VILL: variants seen among roughly 807,000 people sequenced by gnomAD.
VILL encodes villin-like protein.
VILL carries 102 observed loss-of-function variants against 106.3 expected under a neutral mutation model. That is an observed-to-expected ratio of 0.96 (90% confidence interval 0.82 to 1.13). VILL has a LOEUF of 1.13. Ranked by LOEUF, VILL falls within the 50% of genes most tolerant of loss-of-function variation. The pLI is 0.00. For synonymous variants in VILL, 431 were observed against 440.3 expected (o/e 0.98, Z 0.27); for missense variants, 1,076 against 1,116.6 (o/e 0.96, Z 0.52).
chr3:38,000,794 G>A, intron 11 of VILL: 8 of 442,084 alleles, frequency 1.8e-5, no homozygotes, highest in South Asian at 1.3e-4. Flanking sequence ...AACTGTCAGG[G>A]TCAGTGTGGG....
Position 38,005,900 on chromosome 3 carries a change from G to T in VILL, c.2059G>T (p.Val687Leu), listed in dbSNP as rs368514355. Residue 687 changes from valine (V) to leucine (L), a missense_variant, in exon 17 of 20, where the codon GTG becomes TTG. Val to Leu is a conservative substitution (Grantham distance 32). Coordinates refer to ENST00000383759, the MANE Select transcript of VILL (RefSeq NM_015873.4). ...AGGGAGGAGCCCGGCCACACCCATC[G>T]TGCTGGTCAAGCAGGGCCATGAGCC... The part of the protein sequence containing the change: ...PAGRSPATPI[V>L]LVKQGHEPPT... 1.9e-6 allele frequency: 3 copies of T among 1,614,168 alleles called. No homozygotes were observed. In the East Asian group the frequency reaches 6.7e-5, roughly 36 times the overall value.
At chr3:37,988,062 G>C (rs1285988232), upstream of VILL, 1 of 152,288 alleles carries the variant, frequency 6.6e-6, no homozygotes, top group African/African-American at 2.4e-5. Context: ...GGCTAAGGAG[G>C]GCGGGAAGGG....
Position 37,999,439 on chromosome 3 carries a change from G to A in VILL, c.1182G>A (p.Glu394=), listed in dbSNP as rs1699774450. ...TGGACGACGGCTCTGGGAAGGTGGA[G>A]GTGAGGGGTACTGGGTTAGCTGGGG... ...RMVDDGSGKV[E]VWCIQDLHRQ... is the part of the protein sequence containing the mutation. Residue 394 remains glutamate (E), a splice_region_variant and synonymous_variant, in exon 11 of 20, where the codon GAG becomes GAA. Coordinates refer to ENST00000383759, the MANE Select transcript of VILL (RefSeq NM_015873.4). The A allele has an allele frequency of 6.7e-7, 1 of 1,482,648 alleles. No homozygotes were observed. The highest frequency in any genetic ancestry group is 8.9e-7 in the Non-Finnish European group (1 of 1,119,070). The allele number at this position is 1,482,648 out of a possible 1,614,324, so 91.8% of individuals were successfully genotyped here. A position where few individuals can be genotyped will look rare whatever the true frequency, so the allele number is the denominator to read the frequency against.
At chr3:38,004,464 G>T in intron 16 of VILL, 65 bp downstream of exon 16, 1 of 1,562,714 alleles carries the variant, frequency 6.4e-7, no homozygotes, top group Admixed American at 1.7e-5. Flanking sequence ...GTGTAACTGG[G>T]TGTGTGTGTA....
chr3:38,002,588 C>A lies in VILL; in HGVS notation c.1659+13C>A, dbSNP rs1699839638. On this transcript the variant is annotated intron_variant, in intron 14 of 19. Transcript: ENST00000383759. Reference sequence around the variant, plus strand: ...CTGGTTTGGGAAGGTACCCACAGCACTGACCACTTGATTCATGCCCAGATG... The same window carrying A: ...CTGGTTTGGGAAGGTACCCACAGCAATGACCACTTGATTCATGCCCAGATG... The A allele has an allele frequency of 6.2e-7, 1 of 1,608,484 alleles. No individual in the cohort carries two copies. Among genetic ancestry groups the A allele is most frequent in the African/African-American group, 1.3e-5 (1 of 74,842 alleles).
In VILL at chr3:38,003,201, G is replaced by C; in HGVS notation, c.1693G>C (p.Val565Leu). 6.2e-7 allele frequency: 1 copy of C among 1,614,062 alleles called. No individual in the cohort carries two copies. Among genetic ancestry groups the C allele is most frequent in the Non-Finnish European group, 8.5e-7 (1 of 1,179,984 alleles). The stretch of plus-strand genomic sequence containing the variant: ...TGGTGATCAGCGTGAGATGGCACGG[G>C]TGGTGGTCACTGTCATTTCCAGGAA... Reference protein sequence around the residue: ...CNGDQREMARVVVTVISRKNE... With the variant: ...CNGDQREMARLVVTVISRKNE... The change falls in exon 15 of 20, where the codon GTG becomes CTG. Residue 565 changes from valine to leucine, a missense_variant. Coordinates refer to ENST00000383759, the MANE Select transcript of VILL (RefSeq NM_015873.4).
intron 14 of VILL, 149 bp downstream of exon 14, chr3:38,002,724 C>G: frequency 1.0e-6 from 1 of 958,398 alleles, no homozygotes; most frequent in Non-Finnish European, 1.5e-6. Context: ...ACAGGGTCCC[C>G]TCTAGAACTT....
intron 15 of VILL, chr3:38,003,660 T>A (rs1195546261): frequency 6.7e-6 from 2 of 299,036 alleles, no homozygotes; most frequent in South Asian, 3.9e-5. Flanking sequence ...CAGTGTCATA[T>A]GATGTGTGGG....
At chr3:38,004,625 A>G (rs1224768220) in intron 16 of VILL, among the ~76,000 whole-genome samples, 1 of 152,176 alleles carries the variant, frequency 6.6e-6, no homozygotes, top group Non-Finnish European at 1.5e-5. Context: ...GTTGGAACTC[A>G]GGGGTAACTG....
At chr3:37,999,139 AGCGGGCGGGGCGGGGCCG>A in intron 10 of VILL, 89 bp downstream of exon 10, 1 of 79,186 alleles carries the variant, frequency 1.3e-5, no homozygotes, top group Non-Finnish European at 1.8e-5. Flanking sequence ...GGGATGGGTG[AGCGGGCGGGGCGGGGCCG>A]GAGGGGGCGG....
At chr3:37,988,640 A>G (rs1699576216), upstream of VILL, among the ~76,000 whole-genome samples, 1 of 152,110 alleles carries the variant, frequency 6.6e-6, no homozygotes, top group Non-Finnish European at 1.5e-5. Context: ...AGGCCGGTGG[A>G]TCGCTGGAGG....
upstream of VILL, among the ~76,000 whole-genome samples, chr3:37,989,173 T>C (rs991390796): frequency 5.3e-4 from 81 of 152,194 alleles, no homozygotes; most frequent in African/African-American, 1.9e-3. Flanking sequence ...AACTCCAGGT[T>C]TGGGGCCTAA....
At chr3:37,999,203 A>G (rs1018244206) in intron 10 of VILL, 136 bp from the exon 11 acceptor site, 8 of 1,162,734 alleles carry the variant, frequency 6.9e-6, no homozygotes, top group Non-Finnish European at 9.1e-6. Context: ...GAGCCTCAGG[A>G]TGAGGAAAGG....
At chr3:38,002,982 C>T (rs1339629194) in intron 14 of VILL, 186 bp from the exon 15 acceptor site, 3 of 757,744 alleles carry the variant, frequency 4.0e-6, no homozygotes, top group East Asian at 2.8e-5. Context: ...ACCCTGCGAT[C>T]CAGATCAACT....
Position 38,003,160 on chromosome 3 carries a change from C to G in VILL, c.1660-8C>G. The stretch of plus-strand genomic sequence containing the variant: ...ATGCAGGGCCTGAGCCATCTCTTTG[C>G]CTGCTAGGGCTGTAATGGTGATCAG... On this transcript the variant is annotated splice_polypyrimidine_tract_variant and splice_region_variant and intron_variant, in intron 14 of 19. Coordinates refer to ENST00000383759, the MANE Select transcript of VILL (RefSeq NM_015873.4). The G allele has an allele frequency of 1.9e-6, 3 of 1,613,176 alleles. No individual in the cohort carries two copies. The highest frequency in any genetic ancestry group is 2.5e-6 in the Non-Finnish European group (3 of 1,179,564).
At chr3:38,005,683 T>G (rs1575341092) in intron 16 of VILL, 109 bp from the exon 17 acceptor site, 1 of 1,215,592 alleles carries the variant, frequency 8.2e-7, no homozygotes, top group Non-Finnish European at 1.1e-6. Flanking sequence ...TGGCCAGGGA[T>G]GTGTATGTGG....
intron 11 of VILL, 72 bp from the exon 12 acceptor site, chr3:38,001,384 G>A (rs528770571): frequency 1.0e-5 from 16 of 1,584,546 alleles, no homozygotes; most frequent in Admixed American, 5.2e-5. Flanking sequence ...AGAGCTTTCC[G>A]GTTGGGTACA....
intron 10 of VILL, 89 bp downstream of exon 10, chr3:37,999,139 A>AGCGG: frequency 1.3e-5 from 1 of 79,186 alleles, no homozygotes; most frequent in Non-Finnish European, 1.8e-5. Context: ...GGGATGGGTG[A>AGCGG]GCGGGCGGGG....
Position 38,005,958 on chromosome 3 carries a change from A to AC in VILL, c.2121dup (p.Tyr708LeufsTer5), listed in dbSNP as rs1441893934. 1 of 1,612,372 alleles carries AC rather than the reference A, an allele frequency of 6.2e-7. No homozygotes were observed. The highest frequency in any genetic ancestry group is 1.3e-5 in the African/African-American group (1 of 74,948). On this transcript the variant is annotated frameshift_variant, in exon 17 of 20. Coordinates refer to ENST00000383759, the MANE Select transcript of VILL (RefSeq NM_015873.4). LOFTEE classifies it high-confidence loss of function. Reference sequence around the variant, plus strand: ...TTCATTGGATGGTTCTTCACTTGGGACCCCTACAAGTGGACTGTGAGTGAG... The same window carrying AC: ...TTCATTGGATGGTTCTTCACTTGGGACCCCCTACAAGTGGACTGTGAGTGAG...
Sources: gnomAD v4.1 joint callset for allele counts (sites outside exome capture counted in the v4.1 genomes callset) on GRCh38, gnomAD v4.1.1 for gene constraint, MANE v1.5 for transcripts, NCBI Gene and HGNC (gene_info 2026-07-23, HGNC 2026-07-21) for gene names.